The following TAFA1 variants were observed in gnomAD, a reference collection of about 807,000 sequenced individuals.
The protein encoded by TAFA1 is TAFA chemokine like family member 1, also known as chemokine-like protein TAFA-1.
Under a neutral mutation model 18.5 loss-of-function variants are expected in TAFA1, and 4 were observed. That is an observed-to-expected ratio of 0.22 (90% confidence interval 0.11 to 0.49). The LOEUF (loss-of-function observed/expected upper bound fraction) is 0.49. Among genes scored for constraint, TAFA1 ranks in the 20% least tolerant of loss-of-function variants. The pLI, the probability that TAFA1 is intolerant of heterozygous loss-of-function variation, is 0.98. For synonymous variants in TAFA1, 56 were observed against 55.2 expected (o/e 1.01, Z -0.06); for missense variants, 147 against 169.0 (o/e 0.87, Z 0.72).
intron 2 of TAFA1, among the ~76,000 whole-genome samples, chr3:68,081,842 C>G (rs1023392961): frequency 1.3e-5 from 2 of 152,230 alleles, no homozygotes; most frequent in African/African-American, 4.8e-5. Flanking sequence ...GGGCTCCACC[C>G]AGTTCGAGCT....
intron 2 of TAFA1, among the ~76,000 whole-genome samples, chr3:68,076,757 G>A (rs367621088): frequency 1.1e-4 from 16 of 152,138 alleles, no homozygotes; most frequent in South Asian, 4.1e-4. Flanking sequence ...GAATAATGCC[G>A]CAATAAACAT....
chr3:68,301,439 GT>G (rs2068301764), intron 2 of TAFA1, among the ~76,000 whole-genome samples: 1 of 152,142 alleles, frequency 6.6e-6, no homozygotes, highest in African/African-American at 2.4e-5. Context: ...TCTTTGAGTG[GT>G]TTTTTAAACT....
chr3:68,466,753 T>C (rs1442759253), intron 3 of TAFA1, among the ~76,000 whole-genome samples: 1 of 152,210 alleles, frequency 6.6e-6, no homozygotes, highest in Non-Finnish European at 1.5e-5. Context: ...ACTAAGATCA[T>C]GGTTTATCGG....
In TAFA1 at chr3:68,477,274, A is replaced by T. The variant is rs75061704; in HGVS notation, c.259+59854A>T. Among the ~76,000 whole-genome samples the T allele has an allele frequency of 7.4e-4, 112 of 152,304 alleles. 1 individual carries two copies. The East Asian group carries it at 0.02, about 28-fold the overall frequency. On this transcript the variant is annotated intron_variant, in intron 3 of 4. Transcript: ENST00000478136. ...TATTTCTTTTCCTTCTCATTACTAT[A>T]TAGAATTCCACAGAATGAGTGTATA...
At chr3:68,254,107 ATG>A (rs2067248033) in intron 2 of TAFA1, among the ~76,000 whole-genome samples, 1 of 105,980 alleles carries the variant, frequency 9.4e-6, no homozygotes, top group African/African-American at 4.2e-5. Flanking sequence ...CTACCTGTCT[ATG>A]TATGTATGTA....
chr3:68,496,190 A>G (rs1327720840), intron 3 of TAFA1, among the ~76,000 whole-genome samples: 1 of 152,164 alleles, frequency 6.6e-6, no homozygotes, highest in Non-Finnish European at 1.5e-5. Context: ...ATGTGAATAA[A>G]TTAGGAAAAC....
chr3:68,350,030 C>A (rs1478936601), intron 2 of TAFA1, among the ~76,000 whole-genome samples: 1 of 152,148 alleles, frequency 6.6e-6, no homozygotes, highest in Non-Finnish European at 1.5e-5. Context: ...AATTTAGACT[C>A]TATAACTCTG....
At chr3:68,235,657 TG>T (rs546361241) in intron 2 of TAFA1, among the ~76,000 whole-genome samples, 22 of 152,258 alleles carry the variant, frequency 1.4e-4, no homozygotes, top group African/African-American at 5.1e-4. Context: ...CCCAATGCTC[TG>T]TAGATCAAGT....
At chr3:68,285,794 G>A (rs1241575853) in intron 2 of TAFA1, among the ~76,000 whole-genome samples, 4 of 152,154 alleles carry the variant, frequency 2.6e-5, no homozygotes, top group East Asian at 3.8e-4. Context: ...AATGATAAAA[G>A]TAATGAGATT....
At chr3:68,169,510 C>T (rs1441988278) in intron 2 of TAFA1, among the ~76,000 whole-genome samples, 1 of 152,232 alleles carries the variant, frequency 6.6e-6, no homozygotes, top group Admixed American at 6.5e-5. Flanking sequence ...TATCCCTGAA[C>T]ATCTTATTTA....
rs549420996 is a variant in TAFA1 at position 68,009,631 on chromosome 3, A to G, written c.118+2887A>G. Among the ~76,000 whole-genome samples the G allele has an allele frequency of 5.5e-3, 843 of 152,314 alleles. 8 individuals carry two copies. The highest frequency in any genetic ancestry group is 0.018 in the African/African-American group (766 of 41,552). On this transcript the variant is annotated intron_variant, in intron 2 of 4. Transcript: ENST00000478136. ...AAAATGATATTAAACTTAACATCCAATAGTTCTATATAATACGTTTATTCA... is the reference window on the plus strand; with the variant it reads ...AAAATGATATTAAACTTAACATCCAGTAGTTCTATATAATACGTTTATTCA...
chr3:68,081,328 C>T (rs1017946164), intron 2 of TAFA1, among the ~76,000 whole-genome samples: 1 of 152,164 alleles, frequency 6.6e-6, no homozygotes, highest in African/African-American at 2.4e-5. Context: ...AAGTCATTCT[C>T]CATCCAGCTT....
intron 3 of TAFA1, among the ~76,000 whole-genome samples, chr3:68,471,485 C>T (rs1052198089): frequency 2.6e-5 from 4 of 152,204 alleles, no homozygotes; most frequent in African/African-American, 9.6e-5. Flanking sequence ...AGGGGTGGAG[C>T]TGCCCAAGGC....
upstream of TAFA1, among the ~76,000 whole-genome samples, chr3:67,999,955 AT>A (rs1704267035): frequency 6.6e-6 from 1 of 151,806 alleles, no homozygotes; most frequent in South Asian, 2.1e-4. Context: ...TACCCAGATA[AT>A]TTTCATATTT....
chr3:68,404,468 A>G (rs1439110784), intron 2 of TAFA1, among the ~76,000 whole-genome samples: 1 of 152,126 alleles, frequency 6.6e-6, no homozygotes, highest in Non-Finnish European at 1.5e-5. Flanking sequence ...AAAATCTAAC[A>G]TCTATGGAGT....
At chr3:68,156,881 G>T (rs1291020735) in intron 2 of TAFA1, among the ~76,000 whole-genome samples, 9 of 152,050 alleles carry the variant, frequency 5.9e-5, no homozygotes, top group Non-Finnish European at 1.3e-4. Context: ...GCACAAAGAG[G>T]TTATGTTACT....
At chr3:68,133,697 T>C (rs1444251467) in intron 2 of TAFA1, among the ~76,000 whole-genome samples, 2 of 152,128 alleles carry the variant, frequency 1.3e-5, no homozygotes, top group Non-Finnish European at 2.9e-5. Context: ...GGAATGCTTT[T>C]GGTTTTTGCA....
chr3:68,266,219 ATTT>A (rs1253622646), intron 2 of TAFA1, among the ~76,000 whole-genome samples: 1 of 152,170 alleles, frequency 6.6e-6, no homozygotes, highest in Admixed American at 6.6e-5. Flanking sequence ...CAGGATGGTC[ATTT>A]AAGCTTTTAC....
chr3:68,130,265 C>T (rs979248312), intron 2 of TAFA1, among the ~76,000 whole-genome samples: 6 of 152,146 alleles, frequency 3.9e-5, no homozygotes, highest in African/African-American at 1.4e-4. Flanking sequence ...TAACATAACC[C>T]ATTAACTTTT....
Sources: gnomAD v4.1 joint callset for allele counts (sites outside exome capture counted in the v4.1 genomes callset) on GRCh38, gnomAD v4.1.1 for gene constraint, MANE v1.5 for transcripts, NCBI Gene and HGNC (gene_info 2026-07-23, HGNC 2026-07-21) for gene names.